The following BICD1 variants were observed in gnomAD, a reference collection of about 807,000 sequenced individuals.
The protein encoded by BICD1 is protein bicaudal D homolog 1.
A neutral mutation model predicts 92.5 loss-of-function variants in BICD1; 35 were observed. The ratio of observed to expected loss-of-function variants is 0.38; its 90% CI spans 0.29 to 0.50. BICD1 has a LOEUF of 0.50. Ranked by LOEUF, BICD1 falls within the 20% of genes least tolerant of loss-of-function variation. The pLI, the probability that BICD1 is intolerant of heterozygous loss-of-function variation, is 0.93. For missense variants in BICD1, 950 were observed against 1,189.8 expected (o/e 0.80, Z 2.97); for synonymous variants, 429 against 465.1 (o/e 0.92, Z 1.00).
In BICD1 at chr12:32,380,825, A is replaced by G. The variant is rs1251066511; in HGVS notation, c.*3198A>G. On this transcript the variant is annotated 3_prime_UTR_variant, in exon 10 of 10. Coordinates refer to ENST00000652176, the MANE Select transcript of BICD1 (RefSeq NM_001714.4). ...AGGAGGTACAATAGTAGTCTTCAAG[A>G]AAAGAATATTTAACAAATGATAGAT... 2 of 151,368 alleles carry G rather than the reference A, an allele frequency of 1.3e-5. No homozygotes were observed. The highest frequency in any genetic ancestry group is 2.9e-5 in the Non-Finnish European group (2 of 67,848). The allele number at this position is 151,368 out of a possible 1,614,324, so 9.4% of individuals were successfully genotyped here.
At chr12:32,277,194 G>A (rs1947298560) in intron 2 of BICD1, among the ~76,000 whole-genome samples, 1 of 152,174 alleles carries the variant, frequency 6.6e-6, no homozygotes, top group South Asian at 2.1e-4. Flanking sequence ...AGGAGTTCAA[G>A]ACCAGCCTGG....
chr12:32,148,546 TAC>T (rs1176693777), intron 1 of BICD1, among the ~76,000 whole-genome samples: 4 of 152,310 alleles, frequency 2.6e-5, no homozygotes, highest in Non-Finnish European at 4.4e-5. Flanking sequence ...TGGAATGGAA[TAC>T]AGTTTCCCAG....
Position 32,328,626 on chromosome 12 carries a change from G to A in BICD1, c.2100+71G>A. 2 of 1,522,086 alleles carry A rather than the reference G, an allele frequency of 1.3e-6. No homozygotes were observed. Among genetic ancestry groups the A allele is most frequent in the Admixed American group, 4.2e-5 (2 of 47,988 alleles). The allele number at this position is 1,522,086 out of a possible 1,614,324, so 94.3% of individuals were successfully genotyped here. A position where few individuals can be genotyped will look rare whatever the true frequency, so the allele number is the denominator to read the frequency against. ...AACTAATTTATTCCCTAATTTTATT[G>A]AGTATCGAGTATCGTCAAGATGAGA... On this transcript the variant is annotated intron_variant, in intron 5 of 9. Transcript: ENST00000652176. The surrounding 1 kb of genome is among the most constrained non-coding windows in gnomAD (Gnocchi z 4.4).
At chr12:32,153,548 C>T (rs143727791) in intron 1 of BICD1, among the ~76,000 whole-genome samples, 10 of 152,138 alleles carry the variant, frequency 6.6e-5, no homozygotes, top group African/African-American at 1.2e-4. Flanking sequence ...CTGGAGCTCA[C>T]GAATTCAAGA....
In BICD1 at chr12:32,322,036, T is replaced by A. The variant is rs78644212; in HGVS notation, c.1006-5425T>A. On this transcript the variant is annotated intron_variant, in intron 4 of 9. Transcript: ENST00000652176. ...TAAATAAATAAATAAATAAAACAGT[T>A]TAAGCATCTGCTCTTTGAAATCCAA... Among the ~76,000 whole-genome samples, 689 of 152,128 alleles carry A rather than the reference T, an allele frequency of 4.5e-3. 8 individuals are homozygous for A. The highest frequency in any genetic ancestry group is 0.016 in the African/African-American group (660 of 41,520).
intron 2 of BICD1, among the ~76,000 whole-genome samples, chr12:32,248,506 G>C (rs1946445665): frequency 6.6e-6 from 1 of 152,192 alleles, no homozygotes; most frequent in Admixed American, 6.5e-5. Context: ...TGATGAAGGA[G>C]AGAGGTGGGA....
At chr12:32,113,896 G>T (rs1366385475) in intron 1 of BICD1, among the ~76,000 whole-genome samples, 1 of 151,456 alleles carries the variant, frequency 6.6e-6, no homozygotes, top group African/African-American at 2.4e-5. Context: ...TTCCAAGACA[G>T]AATCTCGCTC....
intron 2 of BICD1, among the ~76,000 whole-genome samples, chr12:32,262,482 G>C (rs532178235): frequency 1.3e-5 from 2 of 152,242 alleles, no homozygotes; most frequent in African/African-American, 4.8e-5. Context: ...GAGTATAGTA[G>C]ATTGCATAGT....
intron 8 of BICD1, among the ~76,000 whole-genome samples, chr12:32,347,279 C>T (rs1018807781): frequency 1.3e-5 from 2 of 149,192 alleles, no homozygotes; most frequent in South Asian, 2.1e-4. Context: ...TGACATAGAC[C>T]AAAGTGCTAT....
intron 1 of BICD1, among the ~76,000 whole-genome samples, chr12:32,171,985 ACACACT>A (rs1187937497): frequency 1.3e-4 from 16 of 123,010 alleles, no homozygotes; most frequent in African/African-American, 4.9e-4. Context: ...ACACACACAC[ACACACT>A]AAAACTGCTG....
intron 1 of BICD1, among the ~76,000 whole-genome samples, chr12:32,139,597 T>A (rs1335512179): frequency 1.3e-5 from 2 of 152,232 alleles, no homozygotes; most frequent in Non-Finnish European, 2.9e-5. Flanking sequence ...GGAGTCTCGC[T>A]CTGTCGCCAG....
intron 5 of BICD1, among the ~76,000 whole-genome samples, chr12:32,330,344 A>T (rs11051942): frequency 0.22 from 33,287 of 149,468 alleles, 4,163 homozygotes; most frequent in East Asian, 0.6. Flanking sequence ...GAACACCACA[A>T]GTTCTCGCTC....
intron 1 of BICD1, among the ~76,000 whole-genome samples, chr12:32,207,913 C>T (rs529857768): frequency 4.7e-4 from 71 of 152,140 alleles, no homozygotes; most frequent in Non-Finnish European, 9.4e-4. Context: ...ATGAGGTAAA[C>T]GGCCACCTGA....
At chr12:32,251,770 A>G (rs2036255984) in intron 2 of BICD1, among the ~76,000 whole-genome samples, 2 of 151,510 alleles carry the variant, frequency 1.3e-5, no homozygotes, top group South Asian at 4.2e-4. Flanking sequence ...ATGCATTTTG[A>G]CAAACAGATC....
At chr12:32,227,466 G>A (rs1443124671) in intron 2 of BICD1, 1 of 152,472 alleles carries the variant, frequency 6.6e-6, no homozygotes, top group East Asian at 1.9e-4. Context: ...TCCTAGGTAT[G>A]TAGGTGTTGT....
intron 2 of BICD1, among the ~76,000 whole-genome samples, chr12:32,235,178 C>T (rs1946026907): frequency 6.6e-6 from 1 of 152,142 alleles, no homozygotes; most frequent in South Asian, 2.1e-4. Flanking sequence ...TTGTAGCTTA[C>T]AGGAGAGTGT....
rs549447213 is a variant in BICD1, at chr12:32,171,838, G to A, written c.214-44409G>A. Among the ~76,000 whole-genome samples the A allele has an allele frequency of 6.6e-5, 10 of 151,956 alleles. No individual in the cohort carries two copies. The South Asian group carries it at 1.9e-3, about 28-fold the overall frequency. On this transcript the variant is annotated intron_variant, in intron 1 of 9. Coordinates refer to ENST00000652176, the MANE Select transcript of BICD1 (RefSeq NM_001714.4). ...AGTCCCAGCTACTTGGGAGGCTGAG[G>A]CAGGAGAATTGCTTGAACCCAGGAG...
At chr12:32,177,414 T>C (rs1268282381) in intron 1 of BICD1, among the ~76,000 whole-genome samples, 2 of 151,168 alleles carry the variant, frequency 1.3e-5, no homozygotes, top group Non-Finnish European at 2.9e-5. Context: ...TAGATCTTTA[T>C]CTGTTGATCT....
Position 32,328,833 on chromosome 12 carries a change from C to A in BICD1, c.2100+278C>A, listed in dbSNP as rs937020122. On this transcript the variant is annotated intron_variant, in intron 5 of 9. Coordinates refer to ENST00000652176, the MANE Select transcript of BICD1 (RefSeq NM_001714.4). This position sits in a 1 kb window ranked among gnomAD's most constrained non-coding sequence, Gnocchi z 4.4. ...CCTTTCTGCAGATGTAGAAAGGCAG[C>A]TCAGGCGGTGCTGGGCTGAAGCCTG... 2.2e-4 allele frequency among the ~76,000 whole-genome samples: 33 copies of A among 152,102 alleles called. No individual in the cohort carries two copies. Among genetic ancestry groups the A allele is most frequent in the Admixed American group, 2.1e-3 (32 of 15,260 alleles).
Sources: gnomAD v4.1 joint callset for allele counts (sites outside exome capture counted in the v4.1 genomes callset) on GRCh38, gnomAD v4.1.1 for gene constraint, Gnocchi (gnomAD v3.1) non-coding constraint, MANE v1.5 for transcripts, NCBI Gene and HGNC (gene_info 2026-07-23, HGNC 2026-07-21) for gene names.